Variants in MPZL1 observed in about 807,000 individuals in gnomAD.
The protein encoded by MPZL1 is myelin protein zero like 1.
A neutral mutation model predicts 29.3 loss-of-function variants in MPZL1; 16 were observed. That is an observed-to-expected ratio of 0.55 (90% confidence interval 0.37 to 0.83). The LOEUF is 0.83. MPZL1 is among the 40% of genes least tolerant of loss of function. The probability of loss-of-function intolerance (pLI) is 0.00; values close to 1 mark genes in which losing one functional copy is unlikely to be tolerated. For synonymous variants in MPZL1, 143 were observed against 132.0 expected, an observed-to-expected ratio of 1.08 and a Z score of -0.57; for missense variants, 279 against 332.9, an observed-to-expected ratio of 0.84 and a Z score of 1.26.
At chr1:167,738,065 A>G (rs1660415174) in intron 1 of MPZL1, among the ~76,000 whole-genome samples, 1 of 152,044 alleles carries the variant, frequency 6.6e-6, no homozygotes, top group Admixed American at 6.5e-5. Context: ...TGCTGGGACT[A>G]CAGGCGCCTG....
intron 2 of MPZL1, among the ~76,000 whole-genome samples, chr1:167,768,595 A>G (rs896952997): frequency 2.0e-5 from 3 of 152,086 alleles, no homozygotes; most frequent in Admixed American, 6.5e-5. Context: ...TAATGATTCT[A>G]GTCTTTTCTG....
intron 5 of MPZL1, among the ~76,000 whole-genome samples, chr1:167,783,413 G>A (rs955660288): frequency 6.6e-6 from 1 of 152,206 alleles, no homozygotes; most frequent in Non-Finnish European, 1.5e-5. Context: ...TTGAGGAGTA[G>A]TTGGTTTTCT....
intron 1 of MPZL1, among the ~76,000 whole-genome samples, chr1:167,744,205 C>G (rs1468071345): frequency 2.0e-5 from 3 of 151,996 alleles, no homozygotes; most frequent in Non-Finnish European, 4.4e-5. Flanking sequence ...GCTTTTTGCA[C>G]AAGGTCCCAC....
Position 167,758,024 on chromosome 1 carries a change from C to T in MPZL1, c.92-7559C>T, listed in dbSNP as rs6689322. Among the ~76,000 whole-genome samples, 1,448 of 152,072 alleles carry T rather than the reference C, an allele frequency of 9.5e-3. 23 individuals carry two copies. Among genetic ancestry groups the T allele is most frequent in the African/African-American group, 0.031 (1,301 of 41,466 alleles). On this transcript the variant is annotated intron_variant, in intron 1 of 5. Coordinates refer to ENST00000359523, the MANE Select transcript of MPZL1 (RefSeq NM_003953.6). Reference sequence around the variant, plus strand: ...GAAAAATTATCTAGGCATGGTGGCACGCCCCTGTGGTCCCAGCTATTCAGG... The same window carrying T: ...GAAAAATTATCTAGGCATGGTGGCATGCCCCTGTGGTCCCAGCTATTCAGG...
At chr1:167,724,195 G>T (rs1660096658) in intron 1 of MPZL1, among the ~76,000 whole-genome samples, 1 of 152,194 alleles carries the variant, frequency 6.6e-6, no homozygotes, top group Non-Finnish European at 1.5e-5. Flanking sequence ...AACTGGGTAG[G>T]CATGGGGGAG....
intron 1 of MPZL1, among the ~76,000 whole-genome samples, chr1:167,728,890 A>G (rs1283234120): frequency 6.6e-6 from 1 of 152,162 alleles, no homozygotes; most frequent in African/African-American, 2.4e-5. Context: ...GACCTTGATG[A>G]ACTTGCAATG....
At chr1:167,738,251 C>CT (rs1558110064) in intron 1 of MPZL1, among the ~76,000 whole-genome samples, 2 of 152,024 alleles carry the variant, frequency 1.3e-5, no homozygotes, top group South Asian at 4.2e-4. Context: ...AATTCATTAC[C>CT]TTTTTTTGAT....
In MPZL1 at chr1:167,791,372, G is replaced by A. The variant is rs1661712089; in HGVS notation, c.*3451G>A. On this transcript the variant is annotated 3_prime_UTR_variant, in exon 6 of 6. Coordinates refer to ENST00000359523, the MANE Select transcript of MPZL1 (RefSeq NM_003953.6). ...TGCCAAGCACTGTGCTAAGCATAAG[G>A]AAACAAAACAAGACAAAGCTCCTCA... The A allele has an allele frequency of 6.6e-6, 1 of 152,220 alleles. No homozygotes were observed. The highest frequency in any genetic ancestry group is 1.9e-4 in the East Asian group (1 of 5,200). The allele number at this position is 152,220 out of a possible 1,614,324, so 9.4% of individuals were successfully genotyped here.
At chr1:167,722,640 C>G (rs933913855) in intron 1 of MPZL1, among the ~76,000 whole-genome samples, 2 of 152,208 alleles carry the variant, frequency 1.3e-5, no homozygotes, top group Admixed American at 1.3e-4. Flanking sequence ...AACTAGGGTT[C>G]TGGCGTTCTT....
chr1:167,745,925 G>T (rs1427867514), intron 1 of MPZL1, among the ~76,000 whole-genome samples: 1 of 151,952 alleles, frequency 6.6e-6, no homozygotes, highest in Admixed American at 6.6e-5. Context: ...TCTGATATTG[G>T]GATATGCCTT....
chr1:167,761,671 T>C (rs1267729998), intron 1 of MPZL1, among the ~76,000 whole-genome samples: 2 of 152,200 alleles, frequency 1.3e-5, no homozygotes, highest in Admixed American at 1.3e-4. Flanking sequence ...TAGGGCAATG[T>C]GGGTGGATTG....
Position 167,788,088 on chromosome 1 carries a change from C to T in MPZL1, c.*167C>T. 1.8e-6 allele frequency: 1 copy of T among 550,856 alleles called. No individual in the cohort carries two copies. The highest frequency in any genetic ancestry group is 2.7e-5 in the South Asian group (1 of 37,194). The allele number at this position is 550,856 out of a possible 1,614,324, so 34.1% of individuals were successfully genotyped here. A position where few individuals can be genotyped will look rare whatever the true frequency, so the allele number is the denominator to read the frequency against. ...TGTACAAAGGATATGTATAAATATT[C>T]TATTTAGTCATCCTGATATGAGGAG... On this transcript the variant is annotated 3_prime_UTR_variant, in exon 6 of 6. Transcript: ENST00000359523.
chr1:167,778,949 C>A (rs1161797694), intron 5 of MPZL1, among the ~76,000 whole-genome samples: 1 of 151,888 alleles, frequency 6.6e-6, no homozygotes, highest in African/African-American at 2.4e-5. Context: ...GGTGAAAACC[C>A]ATCTCTACTA....
At chr1:167,744,582 G>T (rs1315691999) in intron 1 of MPZL1, among the ~76,000 whole-genome samples, 1 of 151,398 alleles carries the variant, frequency 6.6e-6, no homozygotes, top group Non-Finnish European at 1.5e-5. Context: ...TACTTGGGAG[G>T]CTGAGGCAGG....
intron 2 of MPZL1, among the ~76,000 whole-genome samples, chr1:167,767,142 T>C (rs1355656574): frequency 2.0e-5 from 3 of 152,218 alleles, no homozygotes; most frequent in African/African-American, 7.2e-5. Flanking sequence ...TAGAGGTCTT[T>C]ATAAGAGAGG....
chr1:167,724,065 G>A (rs921131124), intron 1 of MPZL1, among the ~76,000 whole-genome samples: 2 of 152,134 alleles, frequency 1.3e-5, no homozygotes, highest in African/African-American at 4.8e-5. Context: ...AAGCAGCTGG[G>A]GCTACAGGTG....
At chr1:167,777,711 A>AGGG (rs1363604636) in intron 5 of MPZL1, among the ~76,000 whole-genome samples, 20 of 152,354 alleles carry the variant, frequency 1.3e-4, no homozygotes, top group African/African-American at 4.8e-4. Flanking sequence ...CCTGAAATGC[A>AGGG]GTAGGTTGCA....
chr1:167,770,414 G>A (rs10489195), intron 2 of MPZL1, among the ~76,000 whole-genome samples: 11,096 of 152,284 alleles, frequency 0.073, 583 homozygotes, highest in African/African-American at 0.14. Context: ...GGTTTACTTT[G>A]AGAAGACAGT....
chr1:167,773,261 G>T lies in MPZL1; in HGVS notation c.498G>T (p.Trp166Cys). The T allele has an allele frequency of 6.2e-7, 1 of 1,613,274 alleles. No individual in the cohort carries two copies. Among genetic ancestry groups the T allele is most frequent in the East Asian group, 2.2e-5 (1 of 44,866 alleles). ...AGAATTTGCCTGTGTTTCCAGTTTG[G>T]GTAGTGGTGGGCATAGTTACTGCTG... is the stretch of plus-strand genomic sequence containing the variant. The part of the protein sequence containing the change: ...EKENLPVFPV[W>C]VVVGIVTAVV... The change falls in exon 4 of 6, where the codon TGG (tryptophan) becomes TGT (cysteine). Residue 166 changes from tryptophan (W) to cysteine (C), a missense_variant. Physicochemically the swap from Trp to Cys is radical, Grantham distance 215. Transcript: ENST00000359523.
Sources: gnomAD v4.1 joint callset for allele counts (sites outside exome capture counted in the v4.1 genomes callset) on GRCh38, gnomAD v4.1.1 for gene constraint, MANE v1.5 for transcripts, NCBI Gene and HGNC (gene_info 2026-07-23, HGNC 2026-07-21) for gene names.